CD33: variants seen among roughly 807,000 people sequenced by gnomAD.
CD33 encodes myeloid cell surface antigen CD33.
Under a neutral mutation model 31.4 loss-of-function variants are expected in CD33, and 25 were observed. The observed-to-expected ratio is 0.80, with a 90% CI of 0.58 to 1.11. The LOEUF (loss-of-function observed/expected upper bound fraction) is 1.11, where lower values mean the gene tolerates loss of function less well. Ranked by LOEUF, CD33 falls within the 50% of genes most tolerant of loss-of-function variation. CD33 has a pLI of 0.00. For missense variants in CD33, 407 were observed against 448.1 expected, an observed-to-expected ratio of 0.91 and a Z score of 0.83; for synonymous variants, 176 against 180.6, an observed-to-expected ratio of 0.97 and a Z score of 0.20.
chr19:51,211,971 A>C, the CD33 span: 1 of 1,220,920 alleles, frequency 8.2e-7, no homozygotes, highest in African/African-American at 1.5e-5. Context: ...GCTCACGATC[A>C]TCCCATGGCC....
At chr19:51,216,653 C>G in the CD33 span, among the ~76,000 whole-genome samples, 2 of 143,548 alleles carry the variant, frequency 1.4e-5, no homozygotes, top group Non-Finnish European at 3.0e-5. Flanking sequence ...GGTTGCAGTG[C>G]GAGACTCTGT....
chr19:51,222,697 G>A (rs979443311), upstream of CD33, among the ~76,000 whole-genome samples: 4 of 152,152 alleles, frequency 2.6e-5, no homozygotes, highest in African/African-American at 9.7e-5. Context: ...CAGCATAGAA[G>A]GTGGGAAGAA....
the CD33 span, chr19:51,211,312 C>T: frequency 6.4e-7 from 1 of 1,563,682 alleles, no homozygotes; most frequent in Non-Finnish European, 8.8e-7. Flanking sequence ...CCATCCCATA[C>T]CCTACTACAA....
intron 4 of CD33, among the ~76,000 whole-genome samples, chr19:51,231,729 C>T (rs1395232613): frequency 6.6e-6 from 1 of 151,100 alleles, no homozygotes; most frequent in African/African-American, 2.4e-5. Context: ...CTCCCTTGAG[C>T]ATTTCTTTTC....
intron 6 of CD33, chr19:51,236,189 C>T (rs142460747): frequency 2.8e-4 from 89 of 317,172 alleles, no homozygotes; most frequent in African/African-American, 1.7e-3. Context: ...TCTTATTCAC[C>T]GTTCCCGAGA....
chr19:51,211,339 C>G, the CD33 span: 9 of 1,558,892 alleles, frequency 5.8e-6, no homozygotes, highest in East Asian at 2.0e-4. Flanking sequence ...TTTCTCAGTT[C>G]ATGGTTACTG....
intron 6 of CD33, chr19:51,237,298 C>T (rs1981867956): frequency 6.6e-6 from 1 of 152,194 alleles, no homozygotes; most frequent in Non-Finnish European, 1.5e-5. Context: ...TTGTGCCATT[C>T]TGTATTTTTA....
At chr19:51,222,650 C>A (rs1980738075), upstream of CD33, among the ~76,000 whole-genome samples, 1 of 152,094 alleles carries the variant, frequency 6.6e-6, no homozygotes, top group Non-Finnish European at 1.5e-5. Flanking sequence ...TTCAAATAGA[C>A]TAACTCACAA....
intron 4 of CD33, among the ~76,000 whole-genome samples, chr19:51,227,109 T>G (rs1406962202): frequency 2.0e-5 from 3 of 152,130 alleles, no homozygotes; most frequent in Non-Finnish European, 4.4e-5. Context: ...TTTCCTTTAT[T>G]TATTCATCTG....
chr19:51,214,155 TGGCCTCA>T, the CD33 span, among the ~76,000 whole-genome samples: 1 of 143,484 alleles, frequency 7.0e-6, no homozygotes, highest in African/African-American at 2.6e-5. Context: ...CCACCATGCC[TGGCCTCA>T]TTTTTCTTTT....
At chr19:51,224,975 T>C (rs1620774), upstream of CD33, 171 of 989,830 alleles carry the variant, frequency 1.7e-4, no homozygotes, top group Middle Eastern at 9.0e-4. Context: ...GCTCTGAGCA[T>C]GTGTGGGTCT....
In CD33 at chr19:51,225,798, A is replaced by G. The variant is rs374713393; in HGVS notation, c.419-5A>G. ...GATTCTGCATCCCCTCTTTCTCCTC[A>G]CTAGACTTGACCCACAGGCCCAAAA... On this transcript the variant is annotated splice_region_variant and splice_polypyrimidine_tract_variant and intron_variant, in intron 2 of 6. Transcript: ENST00000262262. 2.7e-5 allele frequency: 43 copies of G among 1,612,430 alleles called. No homozygotes were observed. Among genetic ancestry groups the G allele is most frequent in the Non-Finnish European group, 2.0e-5 (23 of 1,179,148 alleles).
At chr19:51,213,593 G>T in the CD33 span, among the ~76,000 whole-genome samples, 1 of 152,010 alleles carries the variant, frequency 6.6e-6, no homozygotes, top group South Asian at 2.1e-4. Context: ...CTGGAGCACG[G>T]TGACACAATC....
chr19:51,234,632 TGTTGGGA>T, intron 4 of CD33, among the ~76,000 whole-genome samples: 1 of 151,934 alleles, frequency 6.6e-6, no homozygotes, highest in Non-Finnish European at 1.5e-5. Flanking sequence ...TGACTCTGAG[TGTTGGGA>T]CCTAGAAGGC....
At chr19:51,227,590 T>C (rs931956885) in intron 4 of CD33, among the ~76,000 whole-genome samples, 4 of 152,230 alleles carry the variant, frequency 2.6e-5, no homozygotes, top group African/African-American at 9.6e-5. Flanking sequence ...CATTGAGATG[T>C]ATGAGTTCCT....
upstream of CD33, among the ~76,000 whole-genome samples, chr19:51,221,329 A>G (rs1980680361): frequency 6.6e-6 from 1 of 152,216 alleles, no homozygotes; most frequent in Non-Finnish European, 1.5e-5. Context: ...CTCACCAGAA[A>G]AGAAAAACAG....
At position 51,225,875 on chromosome 19, in the gene CD33, C is replaced by T; in HGVS notation, c.491C>T (p.Ser164Phe). 1 of 1,614,138 alleles carries T rather than the reference C, an allele frequency of 6.2e-7. No homozygotes were observed. ...EPGHSKNLTCSVSWACEQGTP... is the reference protein window; with the variant it reads ...EPGHSKNLTCFVSWACEQGTP... ...GGCCACTCCAAAAACCTGACCTGCT[C>T]TGTGTCCTGGGCCTGTGAGCAGGGA... is the stretch of plus-strand genomic sequence containing the variant. Residue 164 changes from serine (S) to phenylalanine (F), a missense_variant, in exon 3 of 7, where the codon TCT becomes TTT. By Grantham distance (155) the Ser-to-Phe change is radical. Coordinates refer to ENST00000262262, the MANE Select transcript of CD33 (RefSeq NM_001772.4).
chr19:51,227,143 C>T (rs1202677229), intron 4 of CD33, among the ~76,000 whole-genome samples: 2 of 152,048 alleles, frequency 1.3e-5, no homozygotes, highest in African/African-American at 4.8e-5. Context: ...AGGTTTATTT[C>T]ATATCTTCCT....
Position 51,225,323 on chromosome 19 carries a change from C to G in CD33, c.143C>G (p.Pro48Arg), listed in dbSNP as rs369509571. The G allele has an allele frequency of 1.9e-6, 3 of 1,614,154 alleles. No individual in the cohort carries two copies. The highest frequency in any genetic ancestry group is 2.5e-6 in the Non-Finnish European group (3 of 1,180,034). The change falls in exon 2 of 7, where the codon CCC becomes CGC. Residue 48 changes from proline to arginine, a missense_variant. Coordinates refer to ENST00000262262, the MANE Select transcript of CD33 (RefSeq NM_001772.4). ...LVPCTFFHPI[P>R]YYDKNSPVHG... ...CCCTGCACTTTCTTCCATCCCATAC[C>G]CTACTACGACAAGAACTCCCCAGTT...
Sources: allele counts gnomAD v4.1 joint callset (sites outside exome capture counted in the v4.1 genomes callset), GRCh38; gene constraint gnomAD v4.1.1; transcripts MANE v1.5; gene names NCBI Gene and HGNC (gene_info 2026-07-23, HGNC 2026-07-21).